SH2D4B: variants seen among roughly 807,000 people sequenced by gnomAD.
SH2D4B encodes the protein SH2 domain containing 4B.
SH2D4B carries 45 observed loss-of-function variants against 61.5 expected under a neutral mutation model. That is an observed-to-expected ratio of 0.73 (90% CI 0.58 to 0.94). The LOEUF is 0.94. Ranked by LOEUF, SH2D4B falls within the 40% of genes least tolerant of loss-of-function variation. The pLI is 0.00. For missense variants in SH2D4B, 572 were observed against 574.2 expected (o/e 1.00, Z 0.04); for synonymous variants, 224 against 220.4 (o/e 1.02, Z -0.14).
intron 3 of SH2D4B, among the ~76,000 whole-genome samples, chr10:80,581,603 G>A (rs1842185121): frequency 6.6e-6 from 1 of 152,164 alleles, no homozygotes; most frequent in Non-Finnish European, 1.5e-5. Flanking sequence ...ACAGCAAGAA[G>A]GCAGCCAGCC....
intron 1 of SH2D4B, among the ~76,000 whole-genome samples, chr10:80,565,117 A>G (rs1841948019): frequency 6.6e-6 from 1 of 152,214 alleles, no homozygotes; most frequent in Admixed American, 6.5e-5. Context: ...GGGATTGGCC[A>G]AGACTCCCCT....
At chr10:80,585,270 C>G (rs1842230065) in intron 3 of SH2D4B, among the ~76,000 whole-genome samples, 1 of 152,046 alleles carries the variant, frequency 6.6e-6, no homozygotes, top group African/African-American at 2.4e-5. Context: ...TGTGTCTTCC[C>G]TCCCTCTTCC....
intron 3 of SH2D4B, among the ~76,000 whole-genome samples, chr10:80,587,374 G>C (rs1234873127): frequency 1.3e-5 from 2 of 151,852 alleles, no homozygotes; most frequent in African/African-American, 4.8e-5. Context: ...TCCTCCTTCC[G>C]GTTCAAGCGA....
Position 80,632,772 on chromosome 10 carries a change from C to A in SH2D4B, c.989-1513C>A, listed in dbSNP as rs1307197710. ...TCTGTCCCTACTTTTTTGCATGAAG[C>A]CCCCAAGGCCTTCTGGGGGGAAGCA... On this transcript the variant is annotated intron_variant, in intron 6 of 7. Coordinates refer to ENST00000646907, the MANE Select transcript of SH2D4B (RefSeq NM_001388272.1). Among the ~76,000 whole-genome samples, 7 of 152,066 alleles carry A rather than the reference C, an allele frequency of 4.6e-5. No homozygotes were observed. In the East Asian group the frequency reaches 7.7e-4, roughly 17 times the overall value.
chr10:80,589,954 A>G (rs537848930), intron 4 of SH2D4B, among the ~76,000 whole-genome samples: 102 of 152,272 alleles, frequency 6.7e-4, no homozygotes, highest in African/African-American at 2.4e-3. Context: ...GTGCTTCCCT[A>G]TGTACCTGGG....
At chr10:80,640,510 T>C (rs1036278776) in intron 7 of SH2D4B, among the ~76,000 whole-genome samples, 34 of 152,158 alleles carry the variant, frequency 2.2e-4, no homozygotes, top group African/African-American at 7.5e-4. Flanking sequence ...TTTCTCTAAA[T>C]TTCTCTTCTC....
chr10:80,629,814 C>T (rs907863478), intron 6 of SH2D4B, among the ~76,000 whole-genome samples: 3 of 152,118 alleles, frequency 2.0e-5, no homozygotes, highest in Non-Finnish European at 4.4e-5. Flanking sequence ...TAGATGAGGA[C>T]CTCAAACTCG....
At chr10:80,540,864 G>A in intron 1 of SH2D4B, 1 of 1,551,504 alleles carries the variant, frequency 6.4e-7, no homozygotes, top group Non-Finnish European at 8.7e-7. Flanking sequence ...GCGGGGACGG[G>A]CTCCACGGAG....
At chr10:80,586,341 T>G (rs150160410) in intron 3 of SH2D4B, among the ~76,000 whole-genome samples, 2,172 of 152,172 alleles carry the variant, frequency 0.014, 71 homozygotes, top group African/African-American at 0.049. Context: ...GGCTTCTGAC[T>G]CTGGTGGGGA....
chr10:80,588,601 C>A, intron 3 of SH2D4B, 29 bp from the exon 4 acceptor site: 2 of 1,610,494 alleles, frequency 1.2e-6, no homozygotes, highest in Non-Finnish European at 1.7e-6. Flanking sequence ...GTGGTCATCT[C>A]GTGTTGTTCT....
intron 4 of SH2D4B, among the ~76,000 whole-genome samples, chr10:80,599,949 C>A (rs1842432199): frequency 6.6e-6 from 1 of 152,202 alleles, no homozygotes; most frequent in African/African-American, 2.4e-5. Flanking sequence ...CACATCACTT[C>A]CCCACCTCCA....
chr10:80,540,678 A>C (rs1841565766), intron 1 of SH2D4B: 1 of 694,454 alleles, frequency 1.4e-6, no homozygotes, highest in African/African-American at 1.8e-5. Flanking sequence ...TCACTTGTTC[A>C]CTCATTCACC....
At chr10:80,602,814 T>A (rs1010484154) in intron 4 of SH2D4B, among the ~76,000 whole-genome samples, 12 of 152,192 alleles carry the variant, frequency 7.9e-5, no homozygotes, top group Non-Finnish European at 1.6e-4. Flanking sequence ...CTTTGTTTTT[T>A]AGTAGGAAAG....
intron 4 of SH2D4B, among the ~76,000 whole-genome samples, chr10:80,591,823 G>C (rs941837128): frequency 3.3e-5 from 5 of 152,032 alleles, no homozygotes; most frequent in Admixed American, 6.6e-5. Flanking sequence ...ATACAGGCCT[G>C]CTCTCTTGAT....
intron 1 of SH2D4B, among the ~76,000 whole-genome samples, chr10:80,542,402 T>TC (rs1281910809): frequency 6.6e-6 from 1 of 150,786 alleles, no homozygotes; most frequent in East Asian, 1.9e-4. Flanking sequence ...TTCTATCTTT[T>TC]TTTTTTTTTT....
At chr10:80,572,976 A>ATGTGTGTTTT in intron 3 of SH2D4B, among the ~76,000 whole-genome samples, 1 of 7,622 alleles carries the variant, frequency 1.3e-4, no homozygotes, top group Non-Finnish European at 2.1e-4. Flanking sequence ...ATATATATAT[A>ATGTGTGTTTT]TATATATATA....
At chr10:80,594,644 C>T (rs1021717242) in intron 4 of SH2D4B, among the ~76,000 whole-genome samples, 9 of 152,128 alleles carry the variant, frequency 5.9e-5, no homozygotes, top group African/African-American at 9.7e-5. Flanking sequence ...TTTTTGATTA[C>T]GAATTTAGTC....
chr10:80,622,460 G>A (rs1688329004), intron 6 of SH2D4B, among the ~76,000 whole-genome samples: 1 of 152,212 alleles, frequency 6.6e-6, no homozygotes, highest in African/African-American at 2.4e-5. Context: ...CCACGGAGCT[G>A]CTGCTTGTGT....
chr10:80,569,939 C>T (rs547594276), intron 1 of SH2D4B, among the ~76,000 whole-genome samples: 80 of 152,238 alleles, frequency 5.3e-4, no homozygotes, highest in African/African-American at 1.8e-3. Flanking sequence ...CGCCCACCCC[C>T]GCAGGCTGGT....
Sources: gnomAD v4.1 joint callset for allele counts (sites outside exome capture counted in the v4.1 genomes callset) on GRCh38, gnomAD v4.1.1 for gene constraint, MANE v1.5 for transcripts, NCBI Gene and HGNC (gene_info 2026-07-23, HGNC 2026-07-21) for gene names.